Variants in ROBO2 observed in about 807,000 individuals in gnomAD.
ROBO2 encodes roundabout guidance receptor 2, also known as roundabout homolog 2.
In ROBO2, 53 loss-of-function variants were observed where a neutral mutation model predicts 160.8. The observed-to-expected ratio is 0.33, with a 90% CI of 0.26 to 0.41. The LOEUF (loss-of-function observed/expected upper bound fraction) is 0.41. Among genes scored for constraint, ROBO2 ranks in the 10% least tolerant of loss-of-function variants. The probability of loss-of-function intolerance (pLI) is 1.00; values close to 1 mark genes in which losing one functional copy is unlikely to be tolerated. For missense variants in ROBO2, 1,577 were observed against 1,722.4 expected, an observed-to-expected ratio of 0.92 and a Z score of 1.49; for synonymous variants, 664 against 611.7, an observed-to-expected ratio of 1.09 and a Z score of -1.26.
intron 2 of ROBO2, among the ~76,000 whole-genome samples, chr3:76,487,933 A>C (rs762707902): frequency 6.6e-6 from 1 of 152,222 alleles, no homozygotes; most frequent in Non-Finnish European, 1.5e-5. Flanking sequence ...TTTAGCCTGC[A>C]AAGGTAGTTA....
chr3:76,263,699 C>G (rs529855939), intron 2 of ROBO2, among the ~76,000 whole-genome samples: 1 of 152,228 alleles, frequency 6.6e-6, no homozygotes, highest in Non-Finnish European at 1.5e-5. Flanking sequence ...AAAGCACTGA[C>G]CCAGCCATCC....
At chr3:76,166,114 A>G (rs1235995265) in intron 2 of ROBO2, among the ~76,000 whole-genome samples, 1 of 152,208 alleles carries the variant, frequency 6.6e-6, no homozygotes, top group African/African-American at 2.4e-5. Flanking sequence ...TTGAAAAAAA[A>G]TAGAGCCAAT....
In ROBO2 at chr3:77,375,187, G is replaced by A. The variant is rs2072456642; in HGVS notation, c.389-102227G>A. 2.0e-5 allele frequency among the ~76,000 whole-genome samples: 3 copies of A among 152,240 alleles called. No individual in the cohort carries two copies. The South Asian group carries it at 6.2e-4, about 32-fold the overall frequency. ...TGATTGTGCTACTGTACCCCAGCCT[G>A]GGAAACAGAGCAAGACCTTGTCTCT... On this transcript the variant is annotated intron_variant, in intron 2 of 25. Coordinates refer to ENST00000461745, the Ensembl canonical transcript of ROBO2.
chr3:76,430,202 TC>T (rs1367324343), intron 2 of ROBO2, among the ~76,000 whole-genome samples: 7 of 152,172 alleles, frequency 4.6e-5, no homozygotes, highest in African/African-American at 1.7e-4. Flanking sequence ...GTAGAATCTA[TC>T]AAGGTTTCCA....
At chr3:77,596,848 A>G in intron 19 of ROBO2, 98 bp downstream of exon 20, 1 of 1,348,190 alleles carries the variant, frequency 7.4e-7, no homozygotes, top group Non-Finnish European at 1.0e-6. Flanking sequence ...ATCAGAGAGT[A>G]TTTACTCCCA....
chr3:77,370,259 A>G (rs2071540190), intron 2 of ROBO2, among the ~76,000 whole-genome samples: 1 of 152,202 alleles, frequency 6.6e-6, no homozygotes, highest in African/African-American at 2.4e-5. Context: ...TAGCCTTTGT[A>G]TATCAAAGGT....
intron 2 of ROBO2, among the ~76,000 whole-genome samples, chr3:76,193,555 C>G (rs922646648): frequency 2.0e-5 from 3 of 152,188 alleles, no homozygotes; most frequent in African/African-American, 7.2e-5. Context: ...TAACTCCTTT[C>G]CCTTTCACTT....
At chr3:76,199,045 T>C (rs2107235625) in intron 2 of ROBO2, among the ~76,000 whole-genome samples, 1 of 152,286 alleles carries the variant, frequency 6.6e-6, no homozygotes, top group South Asian at 2.1e-4. Context: ...TTTGAATATT[T>C]TACAATGTTT....
At chr3:77,396,025 T>G (rs946690681) in intron 2 of ROBO2, among the ~76,000 whole-genome samples, 1 of 151,780 alleles carries the variant, frequency 6.6e-6, no homozygotes, top group Non-Finnish European at 1.5e-5. Context: ...CCAATAAAAT[T>G]ATATATTTTC....
At chr3:76,595,081 T>C (rs987258417) in intron 2 of ROBO2, among the ~76,000 whole-genome samples, 2 of 151,914 alleles carry the variant, frequency 1.3e-5, no homozygotes, top group African/African-American at 4.8e-5. Context: ...ACAGCCCTTT[T>C]GCAAACCAGA....
rs529068964 is a variant in ROBO2, at chr3:76,635,103, C to G, written c.110-462911C>G. Among the ~76,000 whole-genome samples, 4 of 152,314 alleles carry G rather than the reference C, an allele frequency of 2.6e-5. No individual in the cohort carries two copies. The South Asian group carries it at 8.3e-4, about 32-fold the overall frequency. ...AGCGCCAAAATGTCGGGGACCGCTG[C>G]TATTACAAATACTAATATCGGTGTT... On this transcript the variant is annotated intron_variant, in intron 2 of 26. Transcript: ENST00000487694.
At chr3:76,871,155 G>C (rs1399175251) in intron 2 of ROBO2, among the ~76,000 whole-genome samples, 1 of 152,080 alleles carries the variant, frequency 6.6e-6, no homozygotes, top group African/African-American at 2.4e-5. Flanking sequence ...AAATGATTTC[G>C]TCATCACTCA....
chr3:76,856,873 C>A lies in ROBO2; in HGVS notation c.110-241141C>A, dbSNP rs765049932. On this transcript the variant is annotated intron_variant, in intron 2 of 26. Coordinates refer to the ROBO2 transcript ENST00000487694. Reference sequence around the variant, plus strand: ...GGGGAGAGGCTGGGGTTTAGAACAACATATACATTTAATAATCCAACACAG... The same window carrying A: ...GGGGAGAGGCTGGGGTTTAGAACAAAATATACATTTAATAATCCAACACAG... Among the ~76,000 whole-genome samples the A allele has an allele frequency of 1.9e-3, 291 of 152,280 alleles. 3 individuals carry two copies. The highest frequency in any genetic ancestry group is 2.5e-3 in the Non-Finnish European group (169 of 68,018).
At chr3:77,473,298 TAAG>T (rs532673331) in intron 2 of ROBO2, among the ~76,000 whole-genome samples, 25 of 151,512 alleles carry the variant, frequency 1.7e-4, no homozygotes, top group South Asian at 4.2e-4. Flanking sequence ...AAAATAATAA[TAAG>T]AAGAAGAAGA....
intron 2 of ROBO2, among the ~76,000 whole-genome samples, chr3:76,201,188 A>C (rs1365295453): frequency 1.3e-5 from 2 of 152,182 alleles, no homozygotes; most frequent in African/African-American, 2.4e-5. Flanking sequence ...TTATTTGTGA[A>C]TATTAAGAGA....
At chr3:76,506,151 G>A (rs1406253140) in intron 2 of ROBO2, among the ~76,000 whole-genome samples, 2 of 152,090 alleles carry the variant, frequency 1.3e-5, no homozygotes, top group Non-Finnish European at 2.9e-5. Flanking sequence ...TACTTACAAA[G>A]GGAAACTCCA....
intron 2 of ROBO2, among the ~76,000 whole-genome samples, chr3:77,457,261 A>C (rs1202399468): frequency 6.6e-6 from 1 of 152,142 alleles, no homozygotes; most frequent in Non-Finnish European, 1.5e-5. Flanking sequence ...TCAAGAAACT[A>C]AGGCTCCTGA....
chr3:76,021,711 A>G (rs533961091), intron 2 of ROBO2, among the ~76,000 whole-genome samples: 1 of 151,974 alleles, frequency 6.6e-6, no homozygotes, highest in African/African-American at 2.4e-5. Context: ...TAATTTTAAT[A>G]TACGTTATTG....
At chr3:76,778,899 T>C (rs2062450089) in intron 2 of ROBO2, among the ~76,000 whole-genome samples, 1 of 151,088 alleles carries the variant, frequency 6.6e-6, no homozygotes, top group African/African-American at 2.4e-5. Flanking sequence ...CAGTTACTTC[T>C]ACGAAAGCCT....
Sources: allele counts gnomAD v4.1 joint callset (sites outside exome capture counted in the v4.1 genomes callset), GRCh38; gene constraint gnomAD v4.1.1; transcripts MANE v1.5; gene names NCBI Gene and HGNC (gene_info 2026-07-23, HGNC 2026-07-21).